Variants in COL24A1 observed in about 807,000 individuals in gnomAD.
COL24A1 encodes the protein collagen alpha-1(XXIV) chain.
COL24A1 carries 224 observed loss-of-function variants against 253.9 expected under a neutral mutation model. That is an observed-to-expected ratio of 0.88 (90% CI 0.79 to 0.99). The LOEUF (loss-of-function observed/expected upper bound fraction) is 0.99. COL24A1 is among the 50% of genes least tolerant of loss of function. The pLI is 0.00. For missense variants in COL24A1, 2,131 were observed against 2,068.5 expected (o/e 1.03, Z -0.59); for synonymous variants, 685 against 673.7 (o/e 1.02, Z -0.26).
chr1:86,153,797 AG>A (rs540996127), intron 1 of COL24A1, among the ~76,000 whole-genome samples: 99 of 152,372 alleles, frequency 6.5e-4, no homozygotes, highest in African/African-American at 2.3e-3. Context: ...TGGTTATAAA[AG>A]TCTTTAATTA....
At chr1:86,001,680 C>A (rs927954824) in intron 19 of COL24A1, among the ~76,000 whole-genome samples, 6 of 151,592 alleles carry the variant, frequency 4.0e-5, no homozygotes, top group African/African-American at 9.7e-5. Context: ...ATGGGAAGGG[C>A]AAATTATAGG....
intron 2 of COL24A1, among the ~76,000 whole-genome samples, chr1:86,140,046 GA>G (rs1004003555): frequency 2.2e-4 from 34 of 152,164 alleles, no homozygotes; most frequent in African/African-American, 8.2e-4. Context: ...GAGGATATGG[GA>G]AAAGAAAAGG....
At chr1:85,898,489 G>C (rs2102822172) in intron 28 of COL24A1, among the ~76,000 whole-genome samples, 1 of 152,194 alleles carries the variant, frequency 6.6e-6, no homozygotes, top group Non-Finnish European at 1.5e-5. Flanking sequence ...CTATATTCAA[G>C]GTACTCCATA....
intron 14 of COL24A1, among the ~76,000 whole-genome samples, chr1:86,024,636 T>C (rs951340347): frequency 7.9e-5 from 12 of 152,204 alleles, no homozygotes; most frequent in African/African-American, 2.9e-4. Flanking sequence ...TTAATAGATA[T>C]GCAATATTAA....
At chr1:85,945,410 C>T (rs566381095) in intron 24 of COL24A1, among the ~76,000 whole-genome samples, 35 of 151,568 alleles carry the variant, frequency 2.3e-4, no homozygotes, top group Non-Finnish European at 3.7e-4. Context: ...AAAGTTGAAA[C>T]AATTTTATTA....
chr1:85,729,752 A>G lies in COL24A1; in HGVS notation c.*794T>C, dbSNP rs1315283641. 4 of 152,626 alleles carry G rather than the reference A, an allele frequency of 2.6e-5. No homozygotes were observed. The highest frequency in any genetic ancestry group is 2.9e-5 in the Non-Finnish European group (2 of 68,040). 9.5% of individuals were successfully genotyped at this position (152,626 alleles called of 1,614,324 possible). A position where few individuals can be genotyped will look rare whatever the true frequency, so the allele number is the denominator to read the frequency against. ...AATTTTTACAACAATTTAAAAAATAAAACAAAAACAAAGAAATCTAATTCT... is the reference window on the plus strand; with the variant it reads ...AATTTTTACAACAATTTAAAAAATAGAACAAAAACAAAGAAATCTAATTCT... On this transcript the variant is annotated 3_prime_UTR_variant, in exon 60 of 60. Transcript: ENST00000370571.
At chr1:85,909,651 G>A (rs1294790750) in intron 26 of COL24A1, among the ~76,000 whole-genome samples, 1 of 151,822 alleles carries the variant, frequency 6.6e-6, no homozygotes, top group Non-Finnish European at 1.5e-5. Context: ...AATCCGAAGA[G>A]AAATCACAGT....
At chr1:85,985,947 A>T (rs1693687863) in intron 20 of COL24A1, among the ~76,000 whole-genome samples, 1 of 151,748 alleles carries the variant, frequency 6.6e-6, no homozygotes, top group Non-Finnish European at 1.5e-5. Flanking sequence ...TTCTATTATA[A>T]ATATTTTCCA....
intron 32 of COL24A1, among the ~76,000 whole-genome samples, chr1:85,879,149 A>T (rs1681533346): frequency 6.6e-6 from 1 of 152,128 alleles, no homozygotes; most frequent in South Asian, 2.1e-4. Context: ...CTAAAAACTC[A>T]TCAACAAACC....
Position 85,987,608 on chromosome 1 carries a change from C to G in COL24A1, c.2357G>C (p.Gly786Ala). ...IGIPGQNGPE[G>A]PKGLLGNRGP... is the part of the protein sequence containing the mutation. ...TCTTCTTCTTCTTCTTACCTTTGGTCCTTCAGGGCCGTTTTGTCCAGGAAT... is the reference window on the plus strand; with the variant it reads ...TCTTCTTCTTCTTCTTACCTTTGGTGCTTCAGGGCCGTTTTGTCCAGGAAT... Residue 786 changes from glycine (G) to alanine (A), a missense_variant, in exon 20 of 60, where the codon GGA (glycine) becomes GCA (alanine). Gly to Ala is a moderately conservative substitution (Grantham distance 60). Transcript: ENST00000370571. 6.2e-7 allele frequency: 1 copy of G among 1,610,326 alleles called. No homozygotes were observed. Among genetic ancestry groups the G allele is most frequent in the Non-Finnish European group, 8.5e-7 (1 of 1,177,718 alleles).
chr1:85,988,432 C>T (rs2100932574), intron 19 of COL24A1, among the ~76,000 whole-genome samples: 1 of 151,966 alleles, frequency 6.6e-6, no homozygotes, highest in South Asian at 2.1e-4. Flanking sequence ...TGGGAAAAGG[C>T]CTAGAATGTT....
chr1:85,896,439 A>G (rs1683731977), intron 28 of COL24A1, 30 bp from the exon 29 acceptor site: 1 of 1,571,858 alleles, frequency 6.4e-7, no homozygotes, highest in Non-Finnish European at 8.7e-7. Context: ...CCTGTTGTTA[A>G]TTTGAAATGT....
At chr1:86,033,600 G>C (rs1698760425) in intron 13 of COL24A1, among the ~76,000 whole-genome samples, 1 of 152,018 alleles carries the variant, frequency 6.6e-6, no homozygotes, top group Non-Finnish European at 1.5e-5. Context: ...AGACAGTATT[G>C]TGATCACATA....
chr1:86,050,025 C>T (rs1700185558), intron 11 of COL24A1, 99 bp downstream of exon 11: 2 of 992,856 alleles, frequency 2.0e-6, no homozygotes, highest in Non-Finnish European at 1.5e-6. Flanking sequence ...CTTGCTAACT[C>T]AGTAAGATTA....
rs1669165144 is a variant in COL24A1 at position 85,781,668 on chromosome 1, TG to T, written c.4285-396del. Reference sequence around the variant, plus strand: ...TGCAGATGTTGAAAAAGTAGATGTTTGGGTAACATGAAGCATGAAATAGAGA... The same window carrying T: ...TGCAGATGTTGAAAAAGTAGATGTTTGGTAACATGAAGCATGAAATAGAGA... On this transcript the variant is annotated intron_variant, in intron 51 of 59. Coordinates refer to ENST00000370571, the MANE Select transcript of COL24A1 (RefSeq NM_152890.7). Among the ~76,000 whole-genome samples, 4 of 152,276 alleles carry T rather than the reference TG, an allele frequency of 2.6e-5. No homozygotes were observed. In the South Asian group the frequency reaches 8.3e-4, roughly 32 times the overall value.
In COL24A1 at chr1:86,033,895, C is replaced by A. The variant is rs750777198; in HGVS notation, c.1979G>T (p.Gly660Val). 6.3e-7 allele frequency: 1 copy of A among 1,597,046 alleles called. No homozygotes were observed. Among genetic ancestry groups the A allele is most frequent in the Non-Finnish European group, 8.5e-7 (1 of 1,173,138 alleles). Residue 660 changes from glycine to valine, a missense_variant, in exon 13 of 60, where the codon GGC (glycine) becomes GTC (valine). Physicochemically the swap from Gly to Val is moderately radical, Grantham distance 109. Coordinates refer to ENST00000370571, the MANE Select transcript of COL24A1 (RefSeq NM_152890.7). ...QGFPGDFGDR[G>V]PAGLDGSPGL... ...AGGACTGCCATCAAGACCAGCAGGG[C>A]CTCTGTCTCCAAAGTCACCTGGAAA...
chr1:85,863,843 A>G (rs541675511), intron 37 of COL24A1, among the ~76,000 whole-genome samples: 10 of 152,320 alleles, frequency 6.6e-5, no homozygotes, highest in Non-Finnish European at 7.3e-5. Context: ...CAAAACCACA[A>G]TGAGATACCA....
At chr1:86,075,374 G>A (rs986335919) in intron 7 of COL24A1, among the ~76,000 whole-genome samples, 7 of 151,790 alleles carry the variant, frequency 4.6e-5, no homozygotes, top group African/African-American at 7.3e-5. Flanking sequence ...GATCAATAAC[G>A]AGTTCTGAAA....
Position 85,826,281 on chromosome 1 carries a change from T to C in COL24A1, c.3682-2543A>G, listed in dbSNP as rs1219764931. Among the ~76,000 whole-genome samples the C allele has an allele frequency of 2.7e-5, 4 of 147,924 alleles. No homozygotes were observed. The East Asian group carries it at 5.9e-4, about 22-fold the overall frequency. ...AGGGCTCTGTTCTGTTCCATTGATC[T>C]ATATCTCTGTTTTGGTAACAGTACC... is the stretch of plus-strand genomic sequence containing the variant. On this transcript the variant is annotated intron_variant, in intron 43 of 59. Coordinates refer to ENST00000370571, the MANE Select transcript of COL24A1 (RefSeq NM_152890.7).
Sources: gnomAD v4.1 joint callset for allele counts (sites outside exome capture counted in the v4.1 genomes callset) on GRCh38, gnomAD v4.1.1 for gene constraint, MANE v1.5 for transcripts, NCBI Gene and HGNC (gene_info 2026-07-23, HGNC 2026-07-21) for gene names.